KCTD1: variants seen among roughly 807,000 people sequenced by gnomAD.
KCTD1 encodes the protein BTB/POZ domain-containing protein KCTD1.
Under a neutral mutation model 66.0 loss-of-function variants are expected in KCTD1, and 24 were observed. That is an observed-to-expected ratio of 0.36 (90% CI 0.26 to 0.51). KCTD1 has a LOEUF of 0.51. Among genes scored for constraint, KCTD1 ranks in the 20% least tolerant of loss-of-function variants. The probability of loss-of-function intolerance (pLI) is 0.95; values close to 1 mark genes in which losing one functional copy is unlikely to be tolerated. For missense variants in KCTD1, 943 were observed against 1,205.2 expected (o/e 0.78, Z 3.22); for synonymous variants, 511 against 517.2 (o/e 0.99, Z 0.16).
intron 1 of KCTD1, among the ~76,000 whole-genome samples, chr18:26,592,349 T>A (rs1191355324): frequency 2.0e-5 from 3 of 152,270 alleles, no homozygotes. Context: ...TATGCTTTGC[T>A]GAGAAAATCA....
intron 1 of KCTD1, among the ~76,000 whole-genome samples, chr18:26,618,553 G>A (rs2145010946): frequency 6.6e-6 from 1 of 152,194 alleles, no homozygotes; most frequent in South Asian, 2.1e-4. Flanking sequence ...CTGTGATAAG[G>A]ATAAAGGTGA....
chr18:26,532,886 G>A lies in KCTD1; in HGVS notation c.1809+13842C>T, dbSNP rs61365580. ...CCTGTCTTTCCCACTTGACTGTCAA[G>A]TCCATGGGAAACAAGACCTTCACTG... On this transcript the variant is annotated intron_variant, in intron 1 of 4. Coordinates refer to ENST00000580059, the MANE Select transcript of KCTD1 (RefSeq NM_001142730.3). 7.0e-3 allele frequency among the ~76,000 whole-genome samples: 1,063 copies of A among 152,282 alleles called. 25 individuals carry two copies. In the East Asian group the frequency reaches 0.095, roughly 14 times the overall value.
chr18:26,623,412 T>C (rs1422837445), intron 1 of KCTD1, among the ~76,000 whole-genome samples: 1 of 152,170 alleles, frequency 6.6e-6, no homozygotes, highest in Non-Finnish European at 1.5e-5. Flanking sequence ...TGGGAGGGAC[T>C]CAGTAGGATG....
chr18:26,493,115 T>C (rs1982292105), intron 2 of KCTD1, among the ~76,000 whole-genome samples: 1 of 152,250 alleles, frequency 6.6e-6, no homozygotes, highest in Non-Finnish European at 1.5e-5. Flanking sequence ...AGAGGGTTTC[T>C]GTCTATGATG....
At chr18:26,461,553 G>A (rs1007589550) in intron 3 of KCTD1, among the ~76,000 whole-genome samples, 3 of 152,162 alleles carry the variant, frequency 2.0e-5, no homozygotes, top group East Asian at 1.9e-4. Flanking sequence ...GGGCAGAACC[G>A]GGGCCCTTAG....
chr18:26,608,017 C>T (rs1432532048), intron 1 of KCTD1, among the ~76,000 whole-genome samples: 4 of 152,112 alleles, frequency 2.6e-5, no homozygotes, highest in Non-Finnish European at 5.9e-5. Context: ...GCAATCTTCC[C>T]ACCTCAGCCT....
intron 1 of KCTD1, among the ~76,000 whole-genome samples, chr18:26,515,847 C>T (rs1417139968): frequency 6.6e-6 from 1 of 152,166 alleles, no homozygotes; most frequent in Non-Finnish European, 1.5e-5. Context: ...CAGCAGACGG[C>T]ACTGCACTAG....
chr18:26,543,553 G>C (rs1349408584), intron 1 of KCTD1: 3 of 152,236 alleles, frequency 2.0e-5, no homozygotes, highest in Admixed American at 6.5e-5. Context: ...TCTCCTCAAA[G>C]GTAAGTTAAT....
intron 1 of KCTD1, among the ~76,000 whole-genome samples, chr18:26,616,246 T>C (rs1987250752): frequency 1.3e-5 from 2 of 151,798 alleles, no homozygotes; most frequent in South Asian, 4.2e-4. Flanking sequence ...CTGTGATTGA[T>C]TGATTGATAG....
chr18:26,472,992 G>A (rs966084761), intron 3 of KCTD1, among the ~76,000 whole-genome samples: 1 of 152,228 alleles, frequency 6.6e-6, no homozygotes, highest in Non-Finnish European at 1.5e-5. Context: ...CTGAGGGCTG[G>A]AGGCAGAGAC....
chr18:26,600,768 C>G (rs1469498995), intron 1 of KCTD1, among the ~76,000 whole-genome samples: 1 of 151,736 alleles, frequency 6.6e-6, no homozygotes, highest in African/African-American at 2.4e-5. Flanking sequence ...ATAGTTTACT[C>G]CATTCTTTGT....
intron 1 of KCTD1, among the ~76,000 whole-genome samples, chr18:26,621,325 C>A (rs1264179662): frequency 6.6e-6 from 1 of 152,138 alleles, no homozygotes; most frequent in Non-Finnish European, 1.5e-5. Flanking sequence ...CACACTCCAG[C>A]GTCCATAGAC....
Position 26,459,616 on chromosome 18 carries a change from A to T in KCTD1, c.2439+4T>A. 1.9e-6 allele frequency: 3 copies of T among 1,583,774 alleles called. No individual in the cohort carries two copies. Among genetic ancestry groups the T allele is most frequent in the Non-Finnish European group, 2.6e-6 (3 of 1,161,792 alleles). On this transcript the variant is annotated splice_donor_region_variant and intron_variant, in intron 4 of 4. Coordinates refer to ENST00000580059, the MANE Select transcript of KCTD1 (RefSeq NM_001142730.3). ...ATGCCACACAGTGCGTAACAATGCTATACCTGGACTGAGTTGAGGTGACAG... is the reference window on the plus strand; with the variant it reads ...ATGCCACACAGTGCGTAACAATGCTTTACCTGGACTGAGTTGAGGTGACAG...
upstream of KCTD1, among the ~76,000 whole-genome samples, chr18:26,642,079 A>G (rs1987844361): frequency 6.6e-6 from 1 of 152,036 alleles, no homozygotes; most frequent in South Asian, 2.1e-4. Context: ...ACACTTTTCC[A>G]TGCCCTATGG....
intron 1 of KCTD1, among the ~76,000 whole-genome samples, chr18:26,637,012 G>A (rs1380272134): frequency 6.6e-6 from 1 of 152,228 alleles, no homozygotes; most frequent in East Asian, 1.9e-4. Flanking sequence ...TCCTCCCACT[G>A]CTCTCACCCG....
chr18:26,471,204 T>C (rs1981042056), intron 3 of KCTD1, among the ~76,000 whole-genome samples: 1 of 152,090 alleles, frequency 6.6e-6, no homozygotes, highest in Non-Finnish European at 1.5e-5. Flanking sequence ...GACCCTAGTC[T>C]TTGCCTTTTC....
At chr18:26,480,581 A>G (rs1981588864) in intron 2 of KCTD1, among the ~76,000 whole-genome samples, 1 of 152,164 alleles carries the variant, frequency 6.6e-6, no homozygotes, top group Non-Finnish European at 1.5e-5. Context: ...GAGCCTGACC[A>G]ACATGGTGAA....
At chr18:26,518,454 C>A (rs183092059) in intron 1 of KCTD1, among the ~76,000 whole-genome samples, 1 of 152,090 alleles carries the variant, frequency 6.6e-6, no homozygotes, top group Non-Finnish European at 1.5e-5. Context: ...TTAGTAGAGA[C>A]GGGGTTTCAC....
At chr18:26,549,022 G>C (rs551807858), upstream of KCTD1, 4 of 985,090 alleles carry the variant, frequency 4.1e-6, no homozygotes, top group Admixed American at 6.2e-5. Flanking sequence ...GCCCCCCGGA[G>C]CCGGGGGGTC....
Sources: gnomAD v4.1 joint callset for allele counts (sites outside exome capture counted in the v4.1 genomes callset) on GRCh38, gnomAD v4.1.1 for gene constraint, MANE v1.5 for transcripts, NCBI Gene and HGNC (gene_info 2026-07-23, HGNC 2026-07-21) for gene names.